GTF2IRD1: variants seen among roughly 807,000 people sequenced by gnomAD.
GTF2IRD1 encodes general transcription factor II-I repeat domain-containing protein 1.
Under a neutral mutation model 113.2 loss-of-function variants are expected in GTF2IRD1, and 26 were observed. The ratio of observed to expected loss-of-function variants is 0.23; its 90% CI spans 0.17 to 0.32. The LOEUF (loss-of-function observed/expected upper bound fraction) is 0.32. Among genes scored for constraint, GTF2IRD1 ranks in the 10% least tolerant of loss-of-function variants. GTF2IRD1 has a pLI of 1.00. For synonymous variants in GTF2IRD1, 484 were observed against 529.1 expected (o/e 0.91, Z 1.17); for missense variants, 864 against 1,280.8 (o/e 0.67, Z 4.97).
intron 22 of GTF2IRD1, among the ~76,000 whole-genome samples, chr7:74,566,006 AACACACACAC>A (rs66556824): frequency 2.0e-4 from 28 of 143,114 alleles, no homozygotes; most frequent in African/African-American, 5.7e-4. Flanking sequence ...AAGACACACA[AACACACACAC>A]ACACACACAC....
intron 5 of GTF2IRD1, among the ~76,000 whole-genome samples, chr7:74,519,094 T>TG (rs1328912565): frequency 3.9e-5 from 6 of 152,110 alleles, no homozygotes; most frequent in Admixed American, 1.3e-4. Flanking sequence ...CCCCAGGCAA[T>TG]GCAGAGGCAG....
intron 1 of GTF2IRD1, among the ~76,000 whole-genome samples, chr7:74,475,426 C>T (rs1332618426): frequency 6.6e-6 from 1 of 152,166 alleles, no homozygotes; most frequent in Non-Finnish European, 1.5e-5. Flanking sequence ...ATCACACAGC[C>T]ACTCGAGGCT....
intron 22 of GTF2IRD1, among the ~76,000 whole-genome samples, chr7:74,575,626 T>C (rs1178207751): frequency 6.6e-6 from 1 of 152,168 alleles, no homozygotes; most frequent in African/African-American, 2.4e-5. Context: ...GCCAACAGAA[T>C]GTGCTGATAT....
intron 22 of GTF2IRD1, among the ~76,000 whole-genome samples, chr7:74,572,731 A>G (rs2130877510): frequency 6.6e-6 from 1 of 152,200 alleles, no homozygotes; most frequent in East Asian, 1.9e-4. Flanking sequence ...GCTCAAAATA[A>G]AGCCACCCTT....
chr7:74,483,408 A>T (rs1213380264), intron 1 of GTF2IRD1, among the ~76,000 whole-genome samples: 2 of 151,918 alleles, frequency 1.3e-5, no homozygotes, highest in African/African-American at 4.8e-5. Flanking sequence ...TTAGCTGGGC[A>T]TGGTGGCATG....
chr7:74,539,659 G>A (rs1187864658), intron 13 of GTF2IRD1, among the ~76,000 whole-genome samples: 8 of 151,720 alleles, frequency 5.3e-5, no homozygotes, highest in African/African-American at 1.7e-4. Flanking sequence ...CAGGAGAATC[G>A]CTTGAACCCG....
intron 17 of GTF2IRD1, among the ~76,000 whole-genome samples, chr7:74,548,078 C>G (rs1799064646): frequency 6.6e-6 from 1 of 151,990 alleles, no homozygotes; most frequent in Non-Finnish European, 1.5e-5. Context: ...AATGAGGGCC[C>G]GGGACAGCAC....
chr7:74,530,291 G>A (rs1797884333), intron 9 of GTF2IRD1, among the ~76,000 whole-genome samples: 1 of 152,166 alleles, frequency 6.6e-6, no homozygotes, highest in African/African-American at 2.4e-5. Flanking sequence ...GGGGCATGTG[G>A]GCTAAGCAGG....
intron 22 of GTF2IRD1, among the ~76,000 whole-genome samples, chr7:74,585,354 C>T (rs1187585805): frequency 1.7e-4 from 26 of 152,020 alleles, no homozygotes; most frequent in African/African-American, 6.3e-4. Flanking sequence ...CTCAAGTGAT[C>T]CACCTGCCTC....
intron 9 of GTF2IRD1, among the ~76,000 whole-genome samples, chr7:74,532,638 C>G (rs184668409): frequency 6.6e-6 from 1 of 151,984 alleles, no homozygotes; most frequent in Non-Finnish European, 1.5e-5. Flanking sequence ...AGAAAGGAAG[C>G]CAGTTTTCCC....
intron 14 of GTF2IRD1, among the ~76,000 whole-genome samples, chr7:74,543,951 A>C (rs1457589509): frequency 4.0e-5 from 6 of 151,680 alleles, no homozygotes; most frequent in South Asian, 2.1e-4. Flanking sequence ...CAGGTGGCCA[A>C]GGAGGGAGGA....
At chr7:74,558,038 C>A (rs587768124) in intron 20 of GTF2IRD1, among the ~76,000 whole-genome samples, 7 of 152,174 alleles carry the variant, frequency 4.6e-5, no homozygotes, top group African/African-American at 1.7e-4. Context: ...CTTTTGGAGG[C>A]TGAGGCAGGT....
chr7:74,518,485 G>A (rs893213812), intron 5 of GTF2IRD1, among the ~76,000 whole-genome samples, 163 bp downstream of exon 5: 1 of 152,204 alleles, frequency 6.6e-6, no homozygotes, highest in Non-Finnish European at 1.5e-5. Flanking sequence ...AAGTGAAAGC[G>A]AAGTCATAGA....
chr7:74,482,440 C>A (rs1466458129), intron 1 of GTF2IRD1, among the ~76,000 whole-genome samples: 1 of 151,780 alleles, frequency 6.6e-6, no homozygotes, highest in Non-Finnish European at 1.5e-5. Context: ...GTTGTCCAGG[C>A]TGGTCTCAAA....
At chr7:74,499,341 C>T (rs569383239) in intron 1 of GTF2IRD1, among the ~76,000 whole-genome samples, 1 of 149,468 alleles carries the variant, frequency 6.7e-6, no homozygotes, top group Non-Finnish European at 1.5e-5. Context: ...AGGCGGGAGC[C>T]AATAAGCACA....
chr7:74,534,395 A>T (rs1374705388), intron 9 of GTF2IRD1, among the ~76,000 whole-genome samples: 1 of 152,236 alleles, frequency 6.6e-6, no homozygotes, highest in African/African-American at 2.4e-5. Flanking sequence ...TCAAGTCAGG[A>T]GTTCGAGACC....
chr7:74,529,767 T>C lies in GTF2IRD1; in HGVS notation c.1124T>C (p.Val375Ala), dbSNP rs1216681097. 4 of 1,613,968 alleles carry C rather than the reference T, an allele frequency of 2.5e-6. No homozygotes were observed. Among genetic ancestry groups the C allele is most frequent in the Non-Finnish European group, 3.4e-6 (4 of 1,180,006 alleles). Residue 375 changes from valine (V) to alanine (A), a missense_variant, in exon 9 of 27, where the codon GTG (valine) becomes GCG (alanine). Physicochemically the swap from Val to Ala is moderately conservative, Grantham distance 64. Around this residue, in one of 7 missense-constraint regions of GTF2IRD1, gnomAD observed 218 missense variants for 352.6 expected, o/e 0.62. Coordinates refer to ENST00000424337, the MANE Select transcript of GTF2IRD1 (RefSeq NM_005685.4). Reference sequence around the variant, plus strand: ...CTGGGCCTGGACCACATGGTCCCCGTGCCCTACCGGAAGATTGCCTGTGAC... The same window carrying C: ...CTGGGCCTGGACCACATGGTCCCCGCGCCCTACCGGAAGATTGCCTGTGAC... ...EALGLDHMVPVPYRKIACDPE... is the reference protein window; with the variant it reads ...EALGLDHMVPAPYRKIACDPE...
At chr7:74,551,227 G>C (rs1209687393) in intron 17 of GTF2IRD1, among the ~76,000 whole-genome samples, 1 of 151,904 alleles carries the variant, frequency 6.6e-6, no homozygotes, top group Non-Finnish European at 1.5e-5. Flanking sequence ...CCTGTAGTCC[G>C]AGCTCCTCGG....
At chr7:74,550,612 T>A (rs1437758380) in intron 17 of GTF2IRD1, among the ~76,000 whole-genome samples, 43 of 151,172 alleles carry the variant, frequency 2.8e-4, no homozygotes, top group African/African-American at 6.1e-4. Context: ...TTAATTTTTT[T>A]AAAAATACAT....
Sources: allele counts gnomAD v4.1 joint callset (sites outside exome capture counted in the v4.1 genomes callset), GRCh38; gene constraint gnomAD v4.1.1; regional missense constraint gnomAD v4.1.1; transcripts MANE v1.5; gene names NCBI Gene and HGNC (gene_info 2026-07-23, HGNC 2026-07-21).